CFAP299: variants seen among roughly 807,000 people sequenced by gnomAD.
The protein encoded by CFAP299 is cilia- and flagella-associated protein 299.
CFAP299 carries 21 observed loss-of-function variants against 27.0 expected under a neutral mutation model. The ratio of observed to expected loss-of-function variants is 0.78; its 90% CI spans 0.55 to 1.12. The LOEUF (loss-of-function observed/expected upper bound fraction) is 1.12. Ranked by LOEUF, CFAP299 falls within the 50% of genes most tolerant of loss-of-function variation. The pLI, the probability that CFAP299 is intolerant of heterozygous loss-of-function variation, is 0.00. For missense variants in CFAP299, 310 were observed against 276.6 expected, an observed-to-expected ratio of 1.12 and a Z score of -0.86; for synonymous variants, 104 against 98.1, an observed-to-expected ratio of 1.06 and a Z score of -0.36.
intron 3 of CFAP299, among the ~76,000 whole-genome samples, chr4:80,822,443 T>C (rs2110125146): frequency 6.6e-6 from 1 of 152,274 alleles, no homozygotes; most frequent in East Asian, 1.9e-4. Flanking sequence ...ATGAGAGTAG[T>C]TTGTTTCAAA....
At chr4:80,383,219 C>G (rs779341413) in intron 2 of CFAP299, among the ~76,000 whole-genome samples, 6 of 152,044 alleles carry the variant, frequency 3.9e-5, no homozygotes, top group Non-Finnish European at 1.5e-5. Flanking sequence ...ACAACAACAA[C>G]AAAATAACTA....
At chr4:80,521,282 C>T (rs999813538) in intron 2 of CFAP299, among the ~76,000 whole-genome samples, 2 of 152,092 alleles carry the variant, frequency 1.3e-5, no homozygotes, top group Admixed American at 1.3e-4. Context: ...GCACAATAAA[C>T]AGGTAATTTT....
intron 3 of CFAP299, among the ~76,000 whole-genome samples, chr4:80,857,219 A>G (rs973346013): frequency 5.3e-5 from 8 of 151,978 alleles, no homozygotes; most frequent in South Asian, 2.1e-4. Flanking sequence ...TGTTATTGGT[A>G]TATAAGAATG....
chr4:80,375,425 C>T (rs1158367330), intron 2 of CFAP299, among the ~76,000 whole-genome samples: 1 of 152,048 alleles, frequency 6.6e-6, no homozygotes, highest in African/African-American at 2.4e-5. Context: ...AACAACTGGA[C>T]CATACCTTGT....
At chr4:80,941,629 A>G (rs1356895959) in intron 4 of CFAP299, among the ~76,000 whole-genome samples, 1 of 152,154 alleles carries the variant, frequency 6.6e-6, no homozygotes. Flanking sequence ...CACTACTATA[A>G]AGAAACATCT....
intron 4 of CFAP299, among the ~76,000 whole-genome samples, chr4:80,912,553 G>A (rs1461370999): frequency 6.6e-6 from 1 of 152,146 alleles, no homozygotes; most frequent in African/African-American, 2.4e-5. Context: ...ACTGCAAAAG[G>A]GGTAGGGTGT....
At chr4:80,889,760 A>T (rs1045377457) in intron 4 of CFAP299, among the ~76,000 whole-genome samples, 1 of 152,146 alleles carries the variant, frequency 6.6e-6, no homozygotes, top group Non-Finnish European at 1.5e-5. Context: ...AAAATACATT[A>T]AAAAGATCAT....
chr4:80,551,808 T>C, intron 2 of CFAP299, among the ~76,000 whole-genome samples: 1 of 151,916 alleles, frequency 6.6e-6, no homozygotes, highest in Admixed American at 6.6e-5. Flanking sequence ...AATGCAGTGG[T>C]GCAATCTGGG....
intron 2 of CFAP299, among the ~76,000 whole-genome samples, chr4:80,390,819 A>G (rs1220896673): frequency 2.3e-5 from 3 of 130,070 alleles, no homozygotes; most frequent in East Asian, 3.6e-4. Flanking sequence ...ATACACACAT[A>G]TATGTATATG....
At chr4:80,669,747 G>A (rs1270918895) in intron 3 of CFAP299, among the ~76,000 whole-genome samples, 1 of 151,910 alleles carries the variant, frequency 6.6e-6, no homozygotes, top group Admixed American at 6.6e-5. Context: ...AGTGGTGAAA[G>A]TGGGCAACCT....
At chr4:80,439,084 A>G (rs1330439428) in intron 2 of CFAP299, among the ~76,000 whole-genome samples, 1 of 152,354 alleles carries the variant, frequency 6.6e-6, no homozygotes, top group Middle Eastern at 3.4e-3. Context: ...CGAAGACACT[A>G]TACTGTTTGC....
intron 3 of CFAP299, among the ~76,000 whole-genome samples, chr4:80,643,355 C>A (rs1739826015): frequency 6.6e-6 from 1 of 151,858 alleles, no homozygotes; most frequent in Non-Finnish European, 1.5e-5. Flanking sequence ...GAAGAACTGC[C>A]AAAAGAGAAG....
chr4:80,725,898 C>T (rs1387081304), intron 3 of CFAP299, among the ~76,000 whole-genome samples: 5 of 152,124 alleles, frequency 3.3e-5, no homozygotes, highest in African/African-American at 9.7e-5. Flanking sequence ...GAATGAAAGC[C>T]AGTTCTAACT....
chr4:80,605,143 T>A (rs1737588353), intron 3 of CFAP299, among the ~76,000 whole-genome samples: 1 of 152,128 alleles, frequency 6.6e-6, no homozygotes, highest in East Asian at 1.9e-4. Flanking sequence ...AAAAGAGAAA[T>A]GGTTATTTGT....
At chr4:80,688,155 C>G (rs1254703349) in intron 3 of CFAP299, among the ~76,000 whole-genome samples, 3 of 152,180 alleles carry the variant, frequency 2.0e-5, no homozygotes, top group Admixed American at 6.5e-5. Context: ...GTAAACAAAG[C>G]AGCCGGGAAG....
chr4:80,869,007 C>T (rs929361924), intron 3 of CFAP299, among the ~76,000 whole-genome samples: 2 of 150,002 alleles, frequency 1.3e-5, no homozygotes, highest in African/African-American at 2.5e-5. Flanking sequence ...TGTCCAGCAC[C>T]TTTAGGAATG....
intron 3 of CFAP299, among the ~76,000 whole-genome samples, chr4:80,716,263 A>G (rs1388213423): frequency 6.6e-6 from 1 of 151,968 alleles, no homozygotes. Context: ...TGACCTCATG[A>G]GAGAAACAAG....
chr4:80,918,761 A>G (rs1304417556), intron 4 of CFAP299, among the ~76,000 whole-genome samples: 1 of 152,132 alleles, frequency 6.6e-6, no homozygotes, highest in Non-Finnish European at 1.5e-5. Context: ...AGTGGCTCCA[A>G]TAGAGGAAGG....
At chr4:80,583,219 C>G (rs753772094) in intron 3 of CFAP299, 36 bp downstream of exon 3, 15 of 1,174,830 alleles carry the variant, frequency 1.3e-5, no homozygotes, top group Non-Finnish European at 1.5e-5. Context: ...AAAATGTATA[C>G]ACTAAATGCA....
Sources: allele counts gnomAD v4.1 joint callset (sites outside exome capture counted in the v4.1 genomes callset), GRCh38; gene constraint gnomAD v4.1.1; transcripts MANE v1.5; gene names NCBI Gene and HGNC (gene_info 2026-07-23, HGNC 2026-07-21).